FAM107B: variants seen among roughly 807,000 people sequenced by gnomAD.
FAM107B encodes family with sequence similarity 107 member B.
A neutral mutation model predicts 31.5 loss-of-function variants in FAM107B; 21 were observed. That is an observed-to-expected ratio of 0.67 (90% CI 0.47 to 0.96). FAM107B has a LOEUF of 0.96. Among genes scored for constraint, FAM107B ranks in the 40% least tolerant of loss-of-function variants. The pLI is 0.00. For synonymous variants in FAM107B, 157 were observed against 141.5 expected (o/e 1.11, Z -0.78); for missense variants, 452 against 377.1 (o/e 1.20, Z -1.64).
intron 1 of FAM107B, among the ~76,000 whole-genome samples, chr10:14,771,453 A>G (rs1833300417): frequency 6.6e-6 from 1 of 152,216 alleles, no homozygotes. Flanking sequence ...TTTATTGTGT[A>G]TTTCAAAATA....
At chr10:14,590,989 C>CAA (rs35000609) in intron 2 of FAM107B, among the ~76,000 whole-genome samples, 53 of 66,912 alleles carry the variant, frequency 7.9e-4, no homozygotes, top group Non-Finnish European at 1.1e-3. Context: ...AACTCCATCT[C>CAA]AAAAAAAAAA....
intron 2 of FAM107B, among the ~76,000 whole-genome samples, chr10:14,633,157 C>T (rs1853410849): frequency 6.6e-6 from 1 of 151,046 alleles, no homozygotes; most frequent in Admixed American, 6.6e-5. Flanking sequence ...CAAGACTGTG[C>T]CACTGCACTC....
chr10:14,696,119 C>T (rs1325337273), intron 1 of FAM107B, among the ~76,000 whole-genome samples: 1 of 152,146 alleles, frequency 6.6e-6, no homozygotes, highest in Admixed American at 6.5e-5. Flanking sequence ...GTGGGTTTTT[C>T]CTAGATGGCC....
chr10:14,649,971 T>C (rs1853858247), intron 2 of FAM107B, among the ~76,000 whole-genome samples: 1 of 152,178 alleles, frequency 6.6e-6, no homozygotes, highest in South Asian at 2.1e-4. Flanking sequence ...GTGCGTTTCC[T>C]CCAGTATCCT....
chr10:14,745,498 GTCT>G (rs1564284825), intron 1 of FAM107B, among the ~76,000 whole-genome samples: 2 of 152,038 alleles, frequency 1.3e-5, no homozygotes, highest in African/African-American at 4.8e-5. Flanking sequence ...CTGGTATATT[GTCT>G]TTTTGTTCTT....
chr10:14,679,622 G>C (rs151315244), intron 1 of FAM107B, among the ~76,000 whole-genome samples: 83 of 152,342 alleles, frequency 5.4e-4, no homozygotes, highest in African/African-American at 1.7e-3. Context: ...ACCCAGGCAA[G>C]ATGACAAAAC....
chr10:14,762,520 C>A (rs181064971), intron 1 of FAM107B, among the ~76,000 whole-genome samples: 1 of 152,102 alleles, frequency 6.6e-6, no homozygotes, highest in African/African-American at 2.4e-5. Flanking sequence ...TATAAGAGGC[C>A]GAGGCAGGCA....
At chr10:14,632,405 A>T (rs896420346) in intron 2 of FAM107B, among the ~76,000 whole-genome samples, 15 of 151,210 alleles carry the variant, frequency 9.9e-5, no homozygotes, top group Admixed American at 9.2e-4. Context: ...AGGTCAGGAG[A>T]TCGAGACCAT....
intron 3 of FAM107B, 92 bp downstream of exon 3, chr10:14,530,240 C>G (rs1019945151): frequency 7.6e-7 from 1 of 1,307,204 alleles, no homozygotes; most frequent in African/African-American, 1.5e-5. Context: ...AAATCAAAGA[C>G]TCTTTGAAGC....
chr10:14,560,730 C>T (rs1408911451), intron 2 of FAM107B, among the ~76,000 whole-genome samples: 1 of 152,190 alleles, frequency 6.6e-6, no homozygotes, highest in East Asian at 1.9e-4. Context: ...GTCTGGTGCA[C>T]CAGTTTATTC....
chr10:14,710,143 C>T (rs537974941), intron 1 of FAM107B, among the ~76,000 whole-genome samples: 5 of 152,036 alleles, frequency 3.3e-5, no homozygotes, highest in East Asian at 3.8e-4. Flanking sequence ...TAATATCAGA[C>T]GTTAATAACA....
intron 2 of FAM107B, among the ~76,000 whole-genome samples, chr10:14,566,686 G>C (rs1850695864): frequency 6.6e-6 from 1 of 152,218 alleles, no homozygotes; most frequent in South Asian, 2.1e-4. Flanking sequence ...AATAGTACAA[G>C]GCAGAAAGTA....
intron 2 of FAM107B, among the ~76,000 whole-genome samples, chr10:14,533,539 C>T (rs1165645662): frequency 2.0e-5 from 3 of 152,198 alleles, no homozygotes; most frequent in Non-Finnish European, 2.9e-5. Flanking sequence ...CTGACTGACT[C>T]GCTCTCGTTT....
intron 2 of FAM107B, among the ~76,000 whole-genome samples, chr10:14,657,701 G>A (rs532077260): frequency 4.6e-5 from 7 of 152,234 alleles, no homozygotes; most frequent in South Asian, 2.1e-4. Flanking sequence ...ATTACAGCCC[G>A]TGGCCTCTTG....
At chr10:14,693,868 A>G (rs1855203933) in intron 1 of FAM107B, among the ~76,000 whole-genome samples, 1 of 152,138 alleles carries the variant, frequency 6.6e-6, no homozygotes, top group African/African-American at 2.4e-5. Flanking sequence ...TGTAAACAGT[A>G]TTTGCTTTTC....
intron 2 of FAM107B, among the ~76,000 whole-genome samples, chr10:14,569,204 A>G (rs892989806): frequency 1.4e-4 from 21 of 152,200 alleles, no homozygotes; most frequent in Admixed American, 2.6e-4. Context: ...TCCACAAATG[A>G]TGTGTGTTAT....
chr10:14,700,996 G>GTGAAAC (rs998924660), intron 1 of FAM107B, among the ~76,000 whole-genome samples: 22 of 152,202 alleles, frequency 1.4e-4, no homozygotes, highest in Middle Eastern at 3.4e-3. Context: ...AGGACCAGAA[G>GTGAAAC]TGAAACCTAG....
chr10:14,618,666 G>A (rs577030587), intron 2 of FAM107B, among the ~76,000 whole-genome samples: 2 of 152,166 alleles, frequency 1.3e-5, no homozygotes, highest in Admixed American at 6.5e-5. Context: ...GCGAAATCCC[G>A]TGTCTACTAA....
At chr10:14,548,968 C>T (rs1271011057) in intron 2 of FAM107B, among the ~76,000 whole-genome samples, 1 of 152,140 alleles carries the variant, frequency 6.6e-6, no homozygotes, top group Non-Finnish European at 1.5e-5. Context: ...GAGGCTGCAG[C>T]CCACATGATG....
Sources: allele counts gnomAD v4.1 joint callset (sites outside exome capture counted in the v4.1 genomes callset), GRCh38; gene constraint gnomAD v4.1.1; transcripts MANE v1.5; gene names NCBI Gene and HGNC (gene_info 2026-07-23, HGNC 2026-07-21).